STRADA: variants seen among roughly 807,000 people sequenced by gnomAD.
STRADA encodes STE20 related adaptor alpha.
STRADA carries 26 observed loss-of-function variants against 55.0 expected under a neutral mutation model. That is an observed-to-expected ratio of 0.47 (90% CI 0.35 to 0.66). STRADA has a LOEUF of 0.66. Among genes scored for constraint, STRADA ranks in the 30% least tolerant of loss-of-function variants. STRADA has a pLI of 0.01. For missense variants in STRADA, 443 were observed against 549.7 expected (o/e 0.81, Z 1.94); for synonymous variants, 197 against 210.9 (o/e 0.93, Z 0.57).
chr17:63,704,237 T>G, intron 11 of STRADA, 104 bp downstream of exon 11: 1 of 1,554,612 alleles, frequency 6.4e-7, no homozygotes, highest in Non-Finnish European at 8.7e-7. Flanking sequence ...TAGCTCCAGA[T>G]TCCCCTGCAG....
chr17:63,710,243 T>A (rs1303569386), intron 8 of STRADA: 1 of 417,974 alleles, frequency 2.4e-6, no homozygotes, highest in African/African-American at 2.0e-5. Flanking sequence ...TTCACTATGT[T>A]GGCCAGGCTG....
rs772159096 is a variant in STRADA at position 63,706,595 on chromosome 17, G to A, written c.858+40C>T. 1.4e-5 allele frequency: 20 copies of A among 1,461,002 alleles called. 1 individual carries two copies. Among genetic ancestry groups the A allele is most frequent in the Non-Finnish European group, 1.7e-5 (18 of 1,045,798 alleles). The allele number at this position is 1,461,002 out of a possible 1,614,324, so 90.5% of individuals were successfully genotyped here. ...GCTACTCAACGAACATCTGTGGAAG[G>A]CAAGCAGGCAAGAAGGAAACCGATG... On this transcript the variant is annotated intron_variant, in intron 10 of 12. Transcript: ENST00000336174.
chr17:63,703,762 A>G lies in STRADA; in HGVS notation c.1144-11T>C. The G allele has an allele frequency of 6.2e-7, 1 of 1,613,572 alleles. No homozygotes were observed. Among genetic ancestry groups the G allele is most frequent in the Non-Finnish European group, 8.5e-7 (1 of 1,179,608 alleles). The stretch of plus-strand genomic sequence containing the variant: ...GGCACGTCGCTTGATCTGGGGGAGA[A>G]GAGAGAGGTGGGTGACAGATCCTGT... On this transcript the variant is annotated splice_polypyrimidine_tract_variant and intron_variant, in intron 12 of 12. Coordinates refer to ENST00000336174, the MANE Select transcript of STRADA (RefSeq NM_001003787.4).
intron 1 of STRADA, among the ~76,000 whole-genome samples, chr17:63,739,850 T>C (rs138373557): frequency 0.016 from 2,316 of 147,506 alleles, 60 homozygotes; most frequent in African/African-American, 0.055. Flanking sequence ...ACATATAATG[T>C]ACATAATTAT....
chr17:63,726,550 T>C, intron 3 of STRADA, 88 bp downstream of exon 3: 2 of 1,289,246 alleles, frequency 1.6e-6, no homozygotes, highest in South Asian at 1.3e-5. Flanking sequence ...GCCCTTAGAA[T>C]TGCCAATTGC....
intron 2 of STRADA, chr17:63,727,587 T>C (rs2144151232): frequency 6.6e-6 from 1 of 152,348 alleles, no homozygotes; most frequent in South Asian, 2.1e-4. Context: ...AACTATAGCA[T>C]CTTCTGCCCT....
At chr17:63,741,111 G>C (rs2038909137) in intron 1 of STRADA, 1 of 137,664 alleles carries the variant, frequency 7.3e-6, no homozygotes, top group Admixed American at 7.6e-5. Context: ...TACAGGAGAA[G>C]GCTGGGCAGA....
At chr17:63,739,765 T>TAC in intron 1 of STRADA, among the ~76,000 whole-genome samples, 2 of 57,244 alleles carry the variant, frequency 3.5e-5, no homozygotes, top group African/African-American at 4.8e-4. Flanking sequence ...TATATTTATG[T>TAC]ATATATGTAC....
intron 8 of STRADA, 32 bp from the exon 9 acceptor site, chr17:63,707,450 G>A (rs1461721285): frequency 1.4e-5 from 22 of 1,605,210 alleles, no homozygotes; most frequent in Non-Finnish European, 1.7e-5. Flanking sequence ...CATGTCGAGA[G>A]CAGGAGCCCC....
chr17:63,717,939 T>C (rs1300672650), intron 4 of STRADA, among the ~76,000 whole-genome samples: 1 of 151,882 alleles, frequency 6.6e-6, no homozygotes, highest in African/African-American at 2.4e-5. Context: ...TTAAAAATTA[T>C]TATTATTATT....
rs776375132 is a variant in STRADA at position 63,704,052 on chromosome 17, A to G, written c.1101-5T>C. On this transcript the variant is annotated splice_polypyrimidine_tract_variant and splice_region_variant and intron_variant, in intron 11 of 12. Transcript: ENST00000336174. ...AGGAGGGTGCTGGCACTGGGCCTGG[A>G]GGGAAAGGGGAGGAGAGACCGCAGC... 1 of 1,613,164 alleles carries G rather than the reference A, an allele frequency of 6.2e-7. No individual in the cohort carries two copies. Among genetic ancestry groups the G allele is most frequent in the Non-Finnish European group, 8.5e-7 (1 of 1,179,640 alleles).
chr17:63,738,024 T>C (rs146618517), intron 1 of STRADA, among the ~76,000 whole-genome samples: 1 of 144,680 alleles, frequency 6.9e-6, no homozygotes, highest in East Asian at 2.1e-4. Flanking sequence ...AAAACGAAAA[T>C]AAACGAAAAG....
intron 4 of STRADA, among the ~76,000 whole-genome samples, chr17:63,723,013 T>G (rs112404765): frequency 1.3e-5 from 2 of 152,078 alleles, no homozygotes; most frequent in Non-Finnish European, 2.9e-5. Context: ...CTTACTTTTT[T>G]GGGGGAAGGG....
At chr17:63,713,639 T>G in intron 5 of STRADA, 112 bp from the exon 6 acceptor site, 1 of 1,386,722 alleles carries the variant, frequency 7.2e-7, no homozygotes, top group Non-Finnish European at 9.9e-7. Flanking sequence ...GTTAAATTTT[T>G]CACTACTGTT....
intron 2 of STRADA, 124 bp from the exon 3 acceptor site, chr17:63,726,819 A>T (rs1002921713): frequency 1.1e-6 from 1 of 899,064 alleles, no homozygotes; most frequent in African/African-American, 1.7e-5. Context: ...ACAGTTAGGA[A>T]TCATTTCTAT....
At chr17:63,707,457 C>A (rs1434447350) in intron 8 of STRADA, 39 bp from the exon 9 acceptor site, 10 of 1,601,290 alleles carry the variant, frequency 6.2e-6, no homozygotes, top group Non-Finnish European at 8.5e-6. Context: ...AGAGCAGGAG[C>A]CCCTCCTGCT....
rs1242154642 is a variant in STRADA at position 63,707,320 on chromosome 17, T to G, written c.680A>C (p.Gln227Pro). 2 of 1,614,104 alleles carry G rather than the reference T, an allele frequency of 1.2e-6. No individual in the cohort carries two copies. The highest frequency in any genetic ancestry group is 1.7e-6 in the Non-Finnish European group (2 of 1,180,054). Reference protein sequence around the residue: ...NLSMISHGQRQRVVHDFPKYS... With the variant: ...NLSMISHGQRPRVVHDFPKYS... ...CTTGGGAAAATCGTGGACCACTCGC[T>G]GCCGCTGCCCATGGCTTATCATGCT... The change falls in exon 9 of 13, where the codon CAG becomes CCG. Residue 227 changes from glutamine to proline, a missense_variant. By Grantham distance (76) the Gln-to-Pro change is moderately conservative (BLOSUM62 -1). Coordinates refer to ENST00000336174, the MANE Select transcript of STRADA (RefSeq NM_001003787.4).
intron 1 of STRADA, among the ~76,000 whole-genome samples, chr17:63,740,671 G>A (rs1270987451): frequency 6.6e-6 from 1 of 152,122 alleles, no homozygotes; most frequent in Non-Finnish European, 1.5e-5. Flanking sequence ...TGTGCAGGGA[G>A]GTTAAATGCC....
intron 9 of STRADA, 44 bp downstream of exon 9, chr17:63,707,203 A>G: frequency 6.2e-7 from 1 of 1,603,808 alleles, no homozygotes; most frequent in Non-Finnish European, 8.5e-7. Flanking sequence ...TCCCTTGGGA[A>G]TCATGAGTTG....
Sources: allele counts gnomAD v4.1 joint callset (sites outside exome capture counted in the v4.1 genomes callset), GRCh38; gene constraint gnomAD v4.1.1; transcripts MANE v1.5; gene names NCBI Gene and HGNC (gene_info 2026-07-23, HGNC 2026-07-21).